Variants in KANK1 observed in about 807,000 individuals in gnomAD.
The protein encoded by KANK1 is KN motif and ankyrin repeat domains 1.
In KANK1, 109 loss-of-function variants were observed where a neutral mutation model predicts 106.2. The observed-to-expected ratio is 1.03, with a 90% confidence interval of 0.88 to 1.20. The LOEUF (loss-of-function observed/expected upper bound fraction) is 1.20. Among genes scored for constraint, KANK1 ranks in the 50% most tolerant of loss-of-function variants. The probability of loss-of-function intolerance (pLI) is 0.00; values close to 1 mark genes in which losing one functional copy is unlikely to be tolerated. For synonymous variants in KANK1, 873 were observed against 652.2 expected, an observed-to-expected ratio of 1.34 and a Z score of -5.16; for missense variants, 2,399 against 1,710.7, an observed-to-expected ratio of 1.40 and a Z score of -7.10.
intron 1 of KANK1, among the ~76,000 whole-genome samples, chr9:511,881 G>A (rs1424738912): frequency 6.6e-6 from 1 of 152,026 alleles, no homozygotes; most frequent in Admixed American, 6.6e-5. Context: ...TTGTTTTATG[G>A]TGTTTTGGAT....
chr9:619,768 A>G (rs1420818726), intron 1 of KANK1, among the ~76,000 whole-genome samples: 1 of 152,140 alleles, frequency 6.6e-6, no homozygotes, highest in Non-Finnish European at 1.5e-5. Flanking sequence ...AATAATTTGC[A>G]ATGATTTTTA....
At position 709,262 on chromosome 9, in the gene KANK1, G is replaced by T. The variant is rs574392164; in HGVS notation, c.38-1542G>T. Among the ~76,000 whole-genome samples, 8 of 152,334 alleles carry T rather than the reference G, an allele frequency of 5.3e-5. No homozygotes were observed. In the East Asian group the frequency reaches 1.5e-3, roughly 29 times the overall value. On this transcript the variant is annotated intron_variant, in intron 2 of 11. Coordinates refer to ENST00000382297, the MANE Select transcript of KANK1 (RefSeq NM_015158.5). ...AAAATAGAGTTGAAGTCTTTCCTCT[G>T]TGTGCTTCTACTCATGCTGCCAGAG...
intron 1 of KANK1, among the ~76,000 whole-genome samples, chr9:629,218 G>A (rs985372854): frequency 5.3e-5 from 8 of 152,092 alleles, no homozygotes; most frequent in African/African-American, 1.9e-4. Context: ...GCCGCTGATG[G>A]GGTTGCCTTG....
chr9:713,492 T>TG, intron 3 of KANK1, 28 bp downstream of exon 3: 1 of 1,519,626 alleles, frequency 6.6e-7, no homozygotes, highest in East Asian at 2.3e-5. Flanking sequence ...GACCTGGGAA[T>TG]GAGGAAGGAT....
chr9:573,172 G>C (rs1284868559), intron 1 of KANK1, among the ~76,000 whole-genome samples: 1 of 152,120 alleles, frequency 6.6e-6, no homozygotes, highest in African/African-American at 2.4e-5. Flanking sequence ...TATAATCAGA[G>C]AATAAAGTAT....
chr9:682,998 C>T (rs1018056658), intron 2 of KANK1, among the ~76,000 whole-genome samples: 2 of 152,120 alleles, frequency 1.3e-5, no homozygotes, highest in Admixed American at 6.5e-5. Context: ...GCAGGAATTA[C>T]GTGCTATTTG....
At chr9:513,492 A>G in intron 1 of KANK1, among the ~76,000 whole-genome samples, 1 of 152,236 alleles carries the variant, frequency 6.6e-6, no homozygotes, top group East Asian at 1.9e-4. Flanking sequence ...CTCTCAGAAC[A>G]CATAACTAAT....
At chr9:541,123 GA>G (rs150120914) in intron 1 of KANK1, among the ~76,000 whole-genome samples, 17 of 145,184 alleles carry the variant, frequency 1.2e-4, no homozygotes, top group African/African-American at 3.8e-4. Context: ...GTTGAAAAAC[GA>G]AAAAAAAACA....
intron 3 of KANK1, among the ~76,000 whole-genome samples, chr9:480,519 T>C (rs753857052): frequency 4.6e-5 from 7 of 152,216 alleles, no homozygotes; most frequent in African/African-American, 9.6e-5. Context: ...GCTTATATCA[T>C]CCTGTGATGG....
At chr9:644,372 C>G (rs1376360783) in intron 1 of KANK1, among the ~76,000 whole-genome samples, 1 of 150,968 alleles carries the variant, frequency 6.6e-6, no homozygotes, top group South Asian at 2.1e-4. Context: ...CGTTCTCTCA[C>G]TGCTATAAAG....
intron 10 of KANK1, among the ~76,000 whole-genome samples, chr9:743,341 C>T (rs545448489): frequency 6.6e-6 from 1 of 152,316 alleles, no homozygotes; most frequent in Non-Finnish European, 1.5e-5. Flanking sequence ...CAGCCATCTC[C>T]ACAGGAGCAC....
intron 1 of KANK1, among the ~76,000 whole-genome samples, chr9:629,461 A>G (rs1835152929): frequency 2.0e-5 from 3 of 152,232 alleles, no homozygotes; most frequent in African/African-American, 4.8e-5. Context: ...ACAAGCCATA[A>G]AAGTAGCTGT....
At position 602,892 on chromosome 9, in the gene KANK1, A is replaced by G. The variant is rs77958984; in HGVS notation, c.-83-73998A>G. On this transcript the variant is annotated intron_variant, in intron 1 of 11. Coordinates refer to ENST00000382297, the MANE Select transcript of KANK1 (RefSeq NM_015158.5). ...TTCATATTTTTGCTATTACATCTCA[A>G]CTCTTGAAGAGCTATTTCTGTGAAA... Among the ~76,000 whole-genome samples, 95 of 151,838 alleles carry G rather than the reference A, an allele frequency of 6.3e-4. 1 individual carries two copies. The highest frequency in any genetic ancestry group is 1.1e-3 in the Non-Finnish European group (76 of 68,008).
At chr9:723,867 T>C (rs1055818165) in intron 3 of KANK1, among the ~76,000 whole-genome samples, 2 of 149,152 alleles carry the variant, frequency 1.3e-5, no homozygotes, top group Non-Finnish European at 3.0e-5. Context: ...CCAAGGTGGG[T>C]GGATAGCTTG....
At chr9:653,723 G>T (rs1022126724) in intron 1 of KANK1, among the ~76,000 whole-genome samples, 1 of 152,062 alleles carries the variant, frequency 6.6e-6, no homozygotes, top group Non-Finnish European at 1.5e-5. Context: ...ACAGAACTGT[G>T]ATCTGGTTTG....
In KANK1 at chr9:705,860, C is replaced by G. The variant is rs552383980; in HGVS notation, c.38-4944C>G. Among the ~76,000 whole-genome samples, 10 of 152,084 alleles carry G rather than the reference C, an allele frequency of 6.6e-5. No homozygotes were observed. In the South Asian group the frequency reaches 2.1e-3, roughly 32 times the overall value. On this transcript the variant is annotated intron_variant, in intron 2 of 11. Transcript: ENST00000382297. Reference sequence around the variant, plus strand: ...AAGTGATCCACCCTCCTCGGTCTCCCAAAGTGCTGGGATTACAGGCATGAG... The same window carrying G: ...AAGTGATCCACCCTCCTCGGTCTCCGAAAGTGCTGGGATTACAGGCATGAG...
intron 1 of KANK1, among the ~76,000 whole-genome samples, chr9:529,568 G>C (rs1587544453): frequency 6.6e-6 from 1 of 152,138 alleles, no homozygotes; most frequent in East Asian, 1.9e-4. Context: ...GATGATAATA[G>C]ACTTCATATA....
chr9:704,773 G>C (rs980917079), intron 2 of KANK1, among the ~76,000 whole-genome samples: 13 of 152,142 alleles, frequency 8.5e-5, no homozygotes, highest in African/African-American at 2.9e-4. Flanking sequence ...TTGAGGCCAG[G>C]AGTTCAAGAC....
intron 1 of KANK1, among the ~76,000 whole-genome samples, chr9:517,867 TA>T (rs2059359470): frequency 6.6e-6 from 1 of 150,974 alleles, no homozygotes; most frequent in African/African-American, 2.5e-5. Flanking sequence ...GCCTCCCAAG[TA>T]GCTGGAATTA....
Sources: allele counts gnomAD v4.1 joint callset (sites outside exome capture counted in the v4.1 genomes callset), GRCh38; gene constraint gnomAD v4.1.1; transcripts MANE v1.5; gene names NCBI Gene and HGNC (gene_info 2026-07-23, HGNC 2026-07-21).